Variants in PSMC2 observed in about 807,000 individuals in gnomAD.
The protein encoded by PSMC2 is 26S proteasome regulatory subunit 7.
PSMC2 carries 7 observed loss-of-function variants against 53.3 expected under a neutral mutation model. The observed-to-expected ratio is 0.13, with a 90% confidence interval of 0.07 to 0.25. The LOEUF is 0.25. PSMC2 is among the 10% of genes least tolerant of loss of function. The probability of loss-of-function intolerance (pLI) is 1.00; values close to 1 mark genes in which losing one functional copy is unlikely to be tolerated. For missense variants in PSMC2, 241 were observed against 544.0 expected (o/e 0.44, Z 5.54); for synonymous variants, 169 against 183.9 (o/e 0.92, Z 0.66).
At chr7:103,357,677 G>A (rs1389766118) in intron 4 of PSMC2, among the ~76,000 whole-genome samples, 9 of 152,164 alleles carry the variant, frequency 5.9e-5, no homozygotes, top group Non-Finnish European at 1.3e-4. Context: ...TTATGGCTAT[G>A]TAAACACTAT....
chr7:103,365,785 G>T (rs1281216857), intron 8 of PSMC2, among the ~76,000 whole-genome samples: 1 of 151,624 alleles, frequency 6.6e-6, no homozygotes, highest in Non-Finnish European at 1.5e-5. Flanking sequence ...AAAATTAGCG[G>T]GGTGTGGTGA....
intron 1 of PSMC2, among the ~76,000 whole-genome samples, chr7:103,351,496 T>A (rs1464647838): frequency 6.6e-6 from 1 of 152,224 alleles, no homozygotes; most frequent in Admixed American, 6.5e-5. Context: ...AATGTAGGCA[T>A]CTCTGCCTAG....
chr7:103,360,461 G>A (rs1820315713), intron 4 of PSMC2, among the ~76,000 whole-genome samples: 1 of 152,072 alleles, frequency 6.6e-6, no homozygotes, highest in Non-Finnish European at 1.5e-5. Context: ...TCAGGACAAA[G>A]CATTCTTTTT....
At chr7:103,366,456 T>G (rs1405735951) in intron 9 of PSMC2, among the ~76,000 whole-genome samples, 1 of 152,240 alleles carries the variant, frequency 6.6e-6, no homozygotes, top group African/African-American at 2.4e-5. Flanking sequence ...GGATTTTGGC[T>G]TTTGAAGTAC....
intron 1 of PSMC2, among the ~76,000 whole-genome samples, chr7:103,349,867 A>T (rs1586131230): frequency 6.6e-6 from 1 of 152,110 alleles, no homozygotes; most frequent in South Asian, 2.1e-4. Context: ...AGCCTTTTAC[A>T]TGTTTTTCAG....
intron 4 of PSMC2, among the ~76,000 whole-genome samples, chr7:103,357,814 C>T (rs917992735): frequency 4.0e-5 from 6 of 148,564 alleles, no homozygotes; most frequent in African/African-American, 1.6e-4. Context: ...ATGAACTCAA[C>T]CTCCCACTTT....
At chr7:103,352,513 G>C (rs145229795) in intron 1 of PSMC2, among the ~76,000 whole-genome samples, 1 of 150,070 alleles carries the variant, frequency 6.7e-6, no homozygotes, top group East Asian at 2.0e-4. Context: ...GGGCTCAAGC[G>C]ATCCTCCTGC....
chr7:103,365,797 A>G (rs1289454522), intron 8 of PSMC2, among the ~76,000 whole-genome samples: 1 of 150,862 alleles, frequency 6.6e-6, no homozygotes, highest in Non-Finnish European at 1.5e-5. Flanking sequence ...GTGTGGTGAC[A>G]CATGCCTGTA....
intron 1 of PSMC2, among the ~76,000 whole-genome samples, chr7:103,351,056 G>A (rs1819722612): frequency 6.6e-6 from 1 of 151,966 alleles, no homozygotes; most frequent in African/African-American, 2.4e-5. Context: ...CATCCATTCT[G>A]GTCTTGGACT....
chr7:103,364,949 G>A (rs1419226514), intron 8 of PSMC2, among the ~76,000 whole-genome samples: 1 of 60,652 alleles, frequency 1.6e-5, no homozygotes, highest in East Asian at 7.4e-4. Flanking sequence ...TTTTATGTTT[G>A]TAGACATACA....
intron 4 of PSMC2, among the ~76,000 whole-genome samples, chr7:103,356,876 A>T (rs1360091594): frequency 2.0e-5 from 3 of 152,204 alleles, no homozygotes; most frequent in African/African-American, 7.2e-5. Flanking sequence ...TCCTCTGTTT[A>T]TAATCCTTTT....
At chr7:103,355,005 CAA>C in intron 3 of PSMC2, 56 bp downstream of exon 3, 2 of 1,152,874 alleles carry the variant, frequency 1.7e-6, no homozygotes, top group South Asian at 1.3e-5. Context: ...TGAATAATAT[CAA>C]GAGTTTAAAT....
chr7:103,357,804 A>G (rs573103955), intron 4 of PSMC2, among the ~76,000 whole-genome samples: 11 of 152,020 alleles, frequency 7.2e-5, no homozygotes, highest in African/African-American at 2.7e-4. Flanking sequence ...TGCATATATT[A>G]TGAACTCAAC....
At chr7:103,363,993 G>A (rs1378447961) in intron 7 of PSMC2, 150 bp from the exon 8 acceptor site, 1 of 694,612 alleles carries the variant, frequency 1.4e-6, no homozygotes, top group Non-Finnish European at 2.3e-6. Flanking sequence ...GTTCAAGTAT[G>A]TATATTGTGG....
intron 1 of PSMC2, chr7:103,348,454 T>C: frequency 2.0e-6 from 1 of 498,326 alleles, no homozygotes; most frequent in South Asian, 2.3e-5. Flanking sequence ...TTTCCTATCA[T>C]GTAGTCACTT....
chr7:103,368,157 G>C lies in PSMC2; in HGVS notation c.*103G>C, dbSNP rs977270818. On this transcript the variant is annotated 3_prime_UTR_variant, in exon 12 of 12. Transcript: ENST00000292644. The stretch of plus-strand genomic sequence containing the variant: ...CAAATAAATGGCTTCAAAATTGTAT[G>C]CTTTTTTCCATATCTCTTCTTGTAA... The C allele has an allele frequency of 9.8e-7, 1 of 1,023,530 alleles. No individual in the cohort carries two copies. Among genetic ancestry groups the C allele is most frequent in the Non-Finnish European group, 1.4e-6 (1 of 726,602 alleles). 63.4% of individuals were successfully genotyped at this position (1,023,530 alleles called of 1,614,324 possible). A position where few individuals can be genotyped will look rare whatever the true frequency, so the allele number is the denominator to read the frequency against.
chr7:103,367,749 A>G lies in PSMC2; in HGVS notation c.1084A>G (p.Met362Val), dbSNP rs773539785. ...CATATTTAAGATTCACGCTCGTTCA[A>G]TGAGTGTTGAAAGAGATATCAGATT... ...THIFKIHARSMSVERDIRFEL... is the reference protein window; with the variant it reads ...THIFKIHARSVSVERDIRFEL... Residue 362 changes from methionine to valine, a missense_variant, in exon 11 of 12, where the codon ATG becomes GTG. Around this residue, in one of 6 missense-constraint regions of PSMC2, gnomAD observed 60 missense variants for 115.8 expected, o/e 0.52. Coordinates refer to ENST00000292644, the MANE Select transcript of PSMC2 (RefSeq NM_002803.4). The surrounding 1 kb of genome is among the most constrained non-coding windows in gnomAD (Gnocchi z 6.1). 15 of 1,614,008 alleles carry G rather than the reference A, an allele frequency of 9.3e-6. No individual in the cohort carries two copies. The highest frequency in any genetic ancestry group is 1.3e-5 in the African/African-American group (1 of 75,018).
intron 1 of PSMC2, 40 bp downstream of exon 1, chr7:103,347,821 C>A: frequency 6.2e-7 from 1 of 1,610,128 alleles, no homozygotes; most frequent in Non-Finnish European, 8.5e-7. Flanking sequence ...TGGGGCGGGA[C>A]TGGAGCGGAG....
chr7:103,362,797 T>TC, intron 6 of PSMC2, 39 bp downstream of exon 6: 2 of 965,068 alleles, frequency 2.1e-6, no homozygotes, highest in Non-Finnish European at 2.9e-6. Flanking sequence ...GCTATGTCTT[T>TC]TTTTTTTTTT....
Sources: allele counts gnomAD v4.1 joint callset (sites outside exome capture counted in the v4.1 genomes callset), GRCh38; gene constraint gnomAD v4.1.1; regional missense constraint gnomAD v4.1.1; non-coding constraint Gnocchi (gnomAD v3.1); transcripts MANE v1.5; gene names NCBI Gene and HGNC (gene_info 2026-07-23, HGNC 2026-07-21).